Variants in ADPRM observed in about 807,000 individuals in gnomAD.
ADPRM encodes the protein manganese-dependent ADP-ribose/CDP-alcohol diphosphatase.
In ADPRM, 17 loss-of-function variants were observed where a neutral mutation model predicts 27.2. That is an observed-to-expected ratio of 0.63 (90% CI 0.43 to 0.94). The LOEUF is 0.94. Among genes scored for constraint, ADPRM ranks in the 40% least tolerant of loss-of-function variants. The pLI, the probability that ADPRM is intolerant of heterozygous loss-of-function variation, is 0.00. For missense variants in ADPRM, 337 were observed against 412.8 expected (o/e 0.82, Z 1.59); for synonymous variants, 135 against 145.3 (o/e 0.93, Z 0.51).
At chr17:10,709,432 C>G (rs991591622) in intron 3 of ADPRM, among the ~76,000 whole-genome samples, 2 of 152,062 alleles carry the variant, frequency 1.3e-5, no homozygotes, top group African/African-American at 2.4e-5. Flanking sequence ...ATAGAGAAGT[C>G]CGAGGACCAA....
intron 3 of ADPRM, among the ~76,000 whole-genome samples, chr17:10,710,081 CTGTT>C (rs10561892): frequency 0.5 from 75,354 of 151,712 alleles, 19,450 homozygotes; most frequent in African/African-American, 0.65. Context: ...CATGCCTAAA[CTGTT>C]TGTTTATTTA....
In ADPRM at chr17:10,702,217, A is replaced by C. The variant is rs561969519; in HGVS notation, c.-17-2693A>C. Among the ~76,000 whole-genome samples, 1 of 152,304 alleles carries C rather than the reference A, an allele frequency of 6.6e-6. No individual in the cohort carries two copies. The highest frequency in any genetic ancestry group is 2.4e-5 in the African/African-American group (1 of 41,574). On this transcript the variant is annotated intron_variant, in intron 1 of 3. Coordinates refer to ENST00000379774, the MANE Select transcript of ADPRM (RefSeq NM_020233.5). This position sits in a 1 kb window ranked among gnomAD's most constrained non-coding sequence, Gnocchi z 4.2. Reference sequence around the variant, plus strand: ...TTTTTAAAAGCCATGTATATTCAACACTTTGGATCTCTCTTTTTACCCCAG... The same window carrying C: ...TTTTTAAAAGCCATGTATATTCAACCCTTTGGATCTCTCTTTTTACCCCAG...
chr17:10,704,285 C>T (rs1362531357), intron 1 of ADPRM, among the ~76,000 whole-genome samples: 1 of 152,082 alleles, frequency 6.6e-6, no homozygotes, highest in Non-Finnish European at 1.5e-5. Flanking sequence ...AGTTTTTGTG[C>T]TGGATTTTTG....
chr17:10,708,429 C>CAAAAAAA (rs1206878055), intron 3 of ADPRM, among the ~76,000 whole-genome samples: 63 of 30,398 alleles, frequency 2.1e-3, no homozygotes, highest in East Asian at 4.1e-3. Context: ...AACTCCGTCT[C>CAAAAAAA]AAAAAAAAAA....
At chr17:10,708,423 C>T in intron 3 of ADPRM, among the ~76,000 whole-genome samples, 1 of 40,196 alleles carries the variant, frequency 2.5e-5, no homozygotes, top group Admixed American at 2.4e-4. Context: ...GAGTGAAACT[C>T]CGTCTCAAAA....
chr17:10,711,534 G>A lies in ADPRM; in HGVS notation c.*390G>A, dbSNP rs572130702. Among the ~76,000 whole-genome samples the A allele has an allele frequency of 2.6e-5, 4 of 152,268 alleles. No individual in the cohort carries two copies. The South Asian group carries it at 8.3e-4, about 32-fold the overall frequency. ...TTTCTATTCACCCTGCTGTGTAAAT[G>A]AGCTTTGGACAATTTCTGCTCAGAA... is the stretch of plus-strand genomic sequence containing the variant. On this transcript the variant is annotated 3_prime_UTR_variant, in exon 4 of 4. Transcript: ENST00000379774.
rs376107456 is a variant in ADPRM at position 10,698,546 on chromosome 17, CT to C, written c.-18+887del. Among the ~76,000 whole-genome samples the C allele has an allele frequency of 5.5e-4, 84 of 152,202 alleles. 2 individuals carry two copies. The Middle Eastern group carries it at 0.01, about 18-fold the overall frequency. On this transcript the variant is annotated intron_variant, in intron 1 of 3. Coordinates refer to ENST00000379774, the MANE Select transcript of ADPRM (RefSeq NM_020233.5). Reference sequence around the variant, plus strand: ...AACTACAGATCCCGCTCCTGTGTGGCTTTTTTTTCCCCCATGGGACCGACTC... The same window carrying C: ...AACTACAGATCCCGCTCCTGTGTGGCTTTTTTTCCCCCATGGGACCGACTC...
rs1023686710 is a variant in ADPRM at position 10,704,499 on chromosome 17, A to G, written c.-17-411A>G. On this transcript the variant is annotated intron_variant, in intron 1 of 3. Coordinates refer to ENST00000379774, the MANE Select transcript of ADPRM (RefSeq NM_020233.5). ...TACACAGCTTTCCAAAAAAAAAAAA[A>G]AAAAAAAACTTGAAGTTTTGATAGA... Among the ~76,000 whole-genome samples, 23 of 152,022 alleles carry G rather than the reference A, an allele frequency of 1.5e-4. 1 individual carries two copies. Among genetic ancestry groups the G allele is most frequent in the Admixed American group, 1.5e-3 (23 of 15,250 alleles).
Position 10,711,365 on chromosome 17 carries a change from GTATAGTCCTCATAAGGGGCA to G in ADPRM, c.*234_*253del, listed in dbSNP as rs2074852226. 5 of 516,650 alleles carry G rather than the reference GTATAGTCCTCATAAGGGGCA, an allele frequency of 9.7e-6. No individual in the cohort carries two copies. The highest frequency in any genetic ancestry group is 1.9e-5 in the African/African-American group (1 of 52,192). 32.0% of individuals were successfully genotyped at this position (516,650 alleles called of 1,614,324 possible). ...CCAGGGAGGAAACTGAGGCAGGGGTGTATAGTCCTCATAAGGGGCATATAGTCCTCATGAGGGATCTTATT... is the reference window on the plus strand; with the variant it reads ...CCAGGGAGGAAACTGAGGCAGGGGTGTATAGTCCTCATGAGGGATCTTATT... On this transcript the variant is annotated 3_prime_UTR_variant, in exon 4 of 4. Coordinates refer to ENST00000379774, the MANE Select transcript of ADPRM (RefSeq NM_020233.5).
chr17:10,708,635 GGTT>G (rs2074830692), intron 3 of ADPRM, among the ~76,000 whole-genome samples: 1 of 152,096 alleles, frequency 6.6e-6, no homozygotes, highest in Admixed American at 6.6e-5. Flanking sequence ...AGTGCCCTTG[GGTT>G]GTTGGAATGA....
chr17:10,705,244 T>C lies in ADPRM; in HGVS notation c.318T>C (p.His106=). 6.2e-7 allele frequency: 1 copy of C among 1,614,150 alleles called. No homozygotes were observed. The highest frequency in any genetic ancestry group is 8.5e-7 in the Non-Finnish European group (1 of 1,180,022). ...AGAGGCTTAAAGTTCCAGTTCATCA[T>C]ACATGGGGAAACCATGAATTCTATA... is the stretch of plus-strand genomic sequence containing the variant. ...MFKRLKVPVH[H]TWGNHEFYNF... Residue 106 remains histidine, a synonymous_variant, in exon 2 of 4, where the codon CAT becomes CAC. Coordinates refer to ENST00000379774, the MANE Select transcript of ADPRM (RefSeq NM_020233.5). This position sits in a 1 kb window ranked among gnomAD's most constrained non-coding sequence, Gnocchi z 5.4.
intron 3 of ADPRM, 77 bp from the exon 4 acceptor site, chr17:10,710,756 AC>A (rs1220951352): frequency 9.5e-6 from 13 of 1,372,984 alleles, no homozygotes; most frequent in African/African-American, 1.5e-5. Context: ...TTTTCTGAGT[AC>A]TAGCTTTTAG....
rs755872218 is a variant in ADPRM, at chr17:10,705,403, G to C, written c.477G>C (p.Arg159=). 3.8e-5 allele frequency: 61 copies of C among 1,613,788 alleles called. No individual in the cohort carries two copies. The highest frequency in any genetic ancestry group is 5.0e-5 in the Non-Finnish European group (59 of 1,180,018). The part of the protein sequence containing the change: ...AYHFVPFPKF[R]FILLDAYDLS... ...ATTTTGTACCATTCCCTAAATTCCG[G>C]TTCATTTTACTTGATGCATATGACT... Residue 159 remains arginine (R), a synonymous_variant, in exon 2 of 4, where the codon CGG becomes CGC. Transcript: ENST00000379774. This position sits in a 1 kb window ranked among gnomAD's most constrained non-coding sequence, Gnocchi z 5.4.
At chr17:10,697,695 G>A in intron 1 of ADPRM, 28 bp downstream of exon 1, 2 of 752,062 alleles carry the variant, frequency 2.7e-6, no homozygotes, top group Non-Finnish European at 4.4e-6. Flanking sequence ...GCTGGAGGCG[G>A]GTCTGGCGCG....
chr17:10,704,291 T>G (rs2074798790), intron 1 of ADPRM, among the ~76,000 whole-genome samples: 1 of 152,148 alleles, frequency 6.6e-6, no homozygotes, highest in Admixed American at 6.5e-5. Context: ...TGTGCTGGAT[T>G]TTTGTTGTTG....
chr17:10,698,050 C>A (rs560901783), intron 1 of ADPRM: 1 of 155,838 alleles, frequency 6.4e-6, no homozygotes, highest in African/African-American at 2.4e-5. Context: ...TTGAAATAGT[C>A]TTTAACTTAA....
In ADPRM at chr17:10,710,852, C is replaced by T. The variant is rs891457562; in HGVS notation, c.737C>T (p.Pro246Leu). 9.9e-6 allele frequency: 16 copies of T among 1,613,956 alleles called. No individual in the cohort carries two copies. Among genetic ancestry groups the T allele is most frequent in the Admixed American group, 3.3e-5 (2 of 60,010 alleles). Residue 246 changes from proline (P) to leucine (L), a missense_variant, in exon 4 of 4, where the codon CCG becomes CTG. Physicochemically the swap from Pro to Leu is moderately conservative, Grantham distance 98 (BLOSUM62 -3). Transcript: ENST00000379774. Reference sequence around the variant, plus strand: ...CTAACAGGCCATCTTCCCATTTACCCGGACGCCTCTGACAATGTGTGCCTG... The same window carrying T: ...CTAACAGGCCATCTTCCCATTTACCTGGACGCCTCTGACAATGTGTGCCTG... ...VVIVSHLPIYPDASDNVCLAW... is the reference protein window; with the variant it reads ...VVIVSHLPIYLDASDNVCLAW...
At chr17:10,701,551 G>A (rs146883587) in intron 1 of ADPRM, among the ~76,000 whole-genome samples, 11 of 152,124 alleles carry the variant, frequency 7.2e-5, no homozygotes, top group South Asian at 2.1e-4. Flanking sequence ...GGATGGTCTC[G>A]ATCTCCTGAC....
intron 1 of ADPRM, chr17:10,698,941 A>G (rs1246572727): frequency 6.6e-6 from 1 of 152,216 alleles, no homozygotes; most frequent in African/African-American, 2.4e-5. Context: ...ATACAAAATT[A>G]TTGTTCATCT....
Sources: allele counts gnomAD v4.1 joint callset (sites outside exome capture counted in the v4.1 genomes callset), GRCh38; gene constraint gnomAD v4.1.1; non-coding constraint Gnocchi (gnomAD v3.1); transcripts MANE v1.5; gene names NCBI Gene and HGNC (gene_info 2026-07-23, HGNC 2026-07-21).